Variants in MSH3 observed in about 807,000 individuals in gnomAD.
MSH3 encodes DNA mismatch repair protein Msh3.
In MSH3, 106 loss-of-function variants were observed where a neutral mutation model predicts 123.3. The ratio of observed to expected loss-of-function variants is 0.86; its 90% CI spans 0.73 to 1.01. The LOEUF is 1.01. Among genes scored for constraint, MSH3 ranks in the 50% least tolerant of loss-of-function variants. The probability of loss-of-function intolerance (pLI) is 0.00; values close to 1 mark genes in which losing one functional copy is unlikely to be tolerated. For missense variants in MSH3, 1,459 were observed against 1,347.6 expected, an observed-to-expected ratio of 1.08 and a Z score of -1.29; for synonymous variants, 515 against 481.4, an observed-to-expected ratio of 1.07 and a Z score of -0.91.
chr5:80,866,952 T>G lies in MSH3; in HGVS notation c.3130+2010T>G, dbSNP rs117898975. On this transcript the variant is annotated intron_variant, in intron 22 of 23. Transcript: ENST00000265081. ...GCTTCGTAAAATGCCTCTCTAGATG[T>G]TTTTCCACACAACTGAACCTACTGG... Among the ~76,000 whole-genome samples, 229 of 152,264 alleles carry G rather than the reference T, an allele frequency of 1.5e-3. 2 individuals carry two copies. The East Asian group carries it at 0.023, about 16-fold the overall frequency.
chr5:80,675,507 G>A (rs1749821158), intron 7 of MSH3, among the ~76,000 whole-genome samples: 1 of 152,138 alleles, frequency 6.6e-6, no homozygotes, highest in Admixed American at 6.5e-5. Flanking sequence ...CACAAGGCTA[G>A]CAGGAGAGAG....
chr5:80,720,374 T>C (rs1362622265), intron 8 of MSH3, among the ~76,000 whole-genome samples: 1 of 152,214 alleles, frequency 6.6e-6, no homozygotes, highest in Non-Finnish European at 1.5e-5. Flanking sequence ...TATACACGTT[T>C]TAGGTCTTCT....
chr5:80,781,431 A>T (rs547411447), intron 17 of MSH3, among the ~76,000 whole-genome samples: 222 of 150,920 alleles, frequency 1.5e-3, no homozygotes, highest in South Asian at 0.015. Flanking sequence ...TCCTGGTGTT[A>T]TTCTTGATTC....
intron 12 of MSH3, chr5:80,746,666 A>G: frequency 3.3e-6 from 1 of 307,522 alleles, no homozygotes; most frequent in South Asian, 3.0e-5. Context: ...CCTTTTAAAA[A>G]TATTGCTGCA....
chr5:80,717,258 A>G (rs1035595033), intron 8 of MSH3, among the ~76,000 whole-genome samples: 1 of 152,044 alleles, frequency 6.6e-6, no homozygotes, highest in African/African-American at 2.4e-5. Flanking sequence ...TAATAGTTCT[A>G]TTTTTATTAT....
chr5:80,810,872 A>G (rs544311759), intron 19 of MSH3, among the ~76,000 whole-genome samples: 3 of 152,244 alleles, frequency 2.0e-5, no homozygotes, highest in African/African-American at 7.2e-5. Context: ...TGTATCATTA[A>G]CAATGTTTTA....
chr5:80,789,527 C>T lies in MSH3; in HGVS notation c.2543+1855C>T, dbSNP rs375124961. Among the ~76,000 whole-genome samples the T allele has an allele frequency of 2.6e-4, 40 of 152,208 alleles. No individual in the cohort carries two copies. In the South Asian group the frequency reaches 8.1e-3, roughly 31 times the overall value. On this transcript the variant is annotated intron_variant, in intron 18 of 23. Coordinates refer to ENST00000265081, the MANE Select transcript of MSH3 (RefSeq NM_002439.5). ...CTGAGATTACAGGCGTGTGCCACCA[C>T]GCCTGGCTAATTTTCATATTTTTGG... is the stretch of plus-strand genomic sequence containing the variant.
At chr5:80,675,413 T>C (rs972847744) in intron 7 of MSH3, among the ~76,000 whole-genome samples, 6 of 152,140 alleles carry the variant, frequency 3.9e-5, no homozygotes, top group African/African-American at 1.4e-4. Flanking sequence ...TTCCACAGGC[T>C]GTACAGGAAG....
At chr5:80,763,488 GT>G (rs1744076824) in intron 13 of MSH3, among the ~76,000 whole-genome samples, 2 of 152,192 alleles carry the variant, frequency 1.3e-5, no homozygotes, top group Admixed American at 6.5e-5. Flanking sequence ...CCTTTTTGAA[GT>G]TGCAATGTGG....
chr5:80,857,893 G>T (rs1210868251), intron 21 of MSH3, among the ~76,000 whole-genome samples: 3 of 151,792 alleles, frequency 2.0e-5, no homozygotes, highest in African/African-American at 7.3e-5. Flanking sequence ...ATTGATTTCT[G>T]CTCTAATTTT....
intron 19 of MSH3, among the ~76,000 whole-genome samples, chr5:80,804,369 T>C (rs1289739164): frequency 3.9e-5 from 6 of 152,202 alleles, no homozygotes; most frequent in Admixed American, 1.3e-4. Context: ...ATTAGGTATT[T>C]ATTGTAGCCT....
intron 12 of MSH3, chr5:80,746,510 C>A: frequency 2.0e-6 from 1 of 494,062 alleles, no homozygotes; most frequent in Non-Finnish European, 4.1e-6. Context: ...AAGTAGTTTG[C>A]AGGCAGAAGT....
chr5:80,834,564 A>T, intron 20 of MSH3, among the ~76,000 whole-genome samples: 1 of 148,816 alleles, frequency 6.7e-6, no homozygotes, highest in East Asian at 1.9e-4. Context: ...TCTACTTAAC[A>T]ATTTTAATAT....
chr5:80,813,286 A>G (rs959292061), intron 19 of MSH3, among the ~76,000 whole-genome samples: 4 of 152,232 alleles, frequency 2.6e-5, no homozygotes, highest in African/African-American at 9.6e-5. Flanking sequence ...AAACATAAGC[A>G]ATAGGGAGAA....
Position 80,725,214 on chromosome 5 carries a change from C to CA in MSH3, c.1341-220dup, listed in dbSNP as rs33919693. Among the ~76,000 whole-genome samples the CA allele has an allele frequency of 9.4e-3, 927 of 98,850 alleles. 9 individuals carry two copies. The highest frequency in any genetic ancestry group is 0.016 in the Admixed American group (144 of 8,796). 64.8% of individuals were successfully genotyped at this position (98,850 alleles called of 152,430 possible). On this transcript the variant is annotated intron_variant, in intron 8 of 23. Transcript: ENST00000265081. ...TGGGCAACAGAGCGAGACTCCATCTCAAAAAAAAAAAAAAAAAAAGATAAT... is the reference window on the plus strand; with the variant it reads ...TGGGCAACAGAGCGAGACTCCATCTCAAAAAAAAAAAAAAAAAAAAGATAAT...
At chr5:80,820,474 C>T (rs1745187175) in intron 20 of MSH3, among the ~76,000 whole-genome samples, 1 of 152,102 alleles carries the variant, frequency 6.6e-6, no homozygotes, top group Non-Finnish European at 1.5e-5. Context: ...TCCACTGAGA[C>T]AGAAATTGTG....
intron 2 of MSH3, among the ~76,000 whole-genome samples, 193 bp downstream of exon 2, chr5:80,656,724 A>G (rs1404507057): frequency 2.0e-5 from 3 of 152,152 alleles, no homozygotes; most frequent in Admixed American, 6.6e-5. Context: ...TAGAGCTACA[A>G]TTCTGCAATT....
chr5:80,812,264 T>G (rs1275155907), intron 19 of MSH3, among the ~76,000 whole-genome samples: 1 of 152,216 alleles, frequency 6.6e-6, no homozygotes, highest in Non-Finnish European at 1.5e-5. Flanking sequence ...TAACATGTTA[T>G]AAGGCTTTAC....
chr5:80,723,786 A>G (rs1337933653), intron 8 of MSH3, among the ~76,000 whole-genome samples: 1 of 151,684 alleles, frequency 6.6e-6, no homozygotes, highest in African/African-American at 2.4e-5. Context: ...TTAATTTGAG[A>G]CGATGTTTCA....
Sources: gnomAD v4.1 joint callset for allele counts (sites outside exome capture counted in the v4.1 genomes callset) on GRCh38, gnomAD v4.1.1 for gene constraint, MANE v1.5 for transcripts, NCBI Gene and HGNC (gene_info 2026-07-23, HGNC 2026-07-21) for gene names.